The following SULT6B1 variants were observed in gnomAD, a reference collection of about 807,000 sequenced individuals.
The protein encoded by SULT6B1 is sulfotransferase family 6B member 1.
A neutral mutation model predicts 37.2 loss-of-function variants in SULT6B1; 44 were observed. The ratio of observed to expected loss-of-function variants is 1.18; its 90% CI spans 0.93 to 1.52. SULT6B1 has a LOEUF of 1.52. SULT6B1 is among the 40% of genes most tolerant of loss of function. The pLI is 0.00. For synonymous variants in SULT6B1, 140 were observed against 126.0 expected, an observed-to-expected ratio of 1.11 and a Z score of -0.74; for missense variants, 450 against 361.0, an observed-to-expected ratio of 1.25 and a Z score of -2.00.
chr2:37,174,750 C>A (rs1676377120), intron 5 of SULT6B1, among the ~76,000 whole-genome samples: 1 of 152,150 alleles, frequency 6.6e-6, no homozygotes, highest in Non-Finnish European at 1.5e-5. Flanking sequence ...GGTGAGCAAT[C>A]ACTCACTAGA....
At chr2:37,188,715 G>T (rs1484528318), upstream of SULT6B1, 7 of 597,794 alleles carry the variant, frequency 1.2e-5, no homozygotes, top group Non-Finnish European at 1.8e-5. Flanking sequence ...TTGGGCAGGG[G>T]CTGGAATAAA....
chr2:37,176,099 T>G (rs145674411), intron 4 of SULT6B1, among the ~76,000 whole-genome samples: 1 of 152,132 alleles, frequency 6.6e-6, no homozygotes, highest in Non-Finnish European at 1.5e-5. Flanking sequence ...ATGCAGACAC[T>G]GGTCAGCTGT....
At chr2:37,189,377 A>G (rs1458087004), upstream of SULT6B1, among the ~76,000 whole-genome samples, 2 of 152,242 alleles carry the variant, frequency 1.3e-5, no homozygotes, top group African/African-American at 4.8e-5. Context: ...CAAGTTTCAG[A>G]GCAGGAGTGG....
At chr2:37,180,265 T>C (rs148391070) in intron 3 of SULT6B1, among the ~76,000 whole-genome samples, 3 of 152,324 alleles carry the variant, frequency 2.0e-5, no homozygotes, top group Non-Finnish European at 4.4e-5. Context: ...TTCCGAGGAA[T>C]CTGAAAACAT....
At position 37,188,498 on chromosome 2, in the gene SULT6B1, A is replaced by G. The variant is rs756851565; in HGVS notation, c.143T>C (p.Leu48Pro). Residue 48 changes from leucine (L) to proline (P), a missense_variant, in exon 1 of 7, where the codon CTG (leucine) becomes CCG (proline). Leu to Pro is a moderately conservative substitution (Grantham distance 98). Coordinates refer to ENST00000535679, the MANE Select transcript of SULT6B1 (RefSeq NM_001367551.1). The part of the protein sequence containing the change: ...TMCTSETFQA[L>P]DTFEARHDDI... ...ATCATGTCTGGCTTCGAAGGTGTCC[A>G]GCGCTTGGAAAGTTTCTGAGGTGCA... 1.3e-5 allele frequency: 21 copies of G among 1,614,236 alleles called. No individual in the cohort carries two copies. The highest frequency in any genetic ancestry group is 1.8e-5 in the Non-Finnish European group (21 of 1,180,028).
upstream of SULT6B1, chr2:37,191,255 T>C (rs1676773473): frequency 1.9e-5 from 1 of 51,790 alleles, no homozygotes; most frequent in Non-Finnish European, 3.6e-5. Context: ...CATTTTTCAC[T>C]GCAAAAAAAA....
At chr2:37,193,582 AAAGAAGAAGAAGAAAAAGAAG>A (rs1558454831), upstream of SULT6B1, among the ~76,000 whole-genome samples, 9 of 125,334 alleles carry the variant, frequency 7.2e-5, no homozygotes, top group African/African-American at 2.3e-4. Flanking sequence ...AAAAGAAGAA[AAAGAAGAAGAAGAAAAAGAAG>A]AAGAAGAAGA....
intron 4 of SULT6B1, among the ~76,000 whole-genome samples, chr2:37,175,587 A>T (rs900180886): frequency 6.6e-6 from 1 of 152,230 alleles, no homozygotes; most frequent in Non-Finnish European, 1.5e-5. Flanking sequence ...GATGAAAAAG[A>T]CATTTTCTAG....
chr2:37,169,742 C>T (rs1230136407), intron 6 of SULT6B1, among the ~76,000 whole-genome samples: 2 of 152,178 alleles, frequency 1.3e-5, no homozygotes, highest in Non-Finnish European at 1.5e-5. Flanking sequence ...ATCCACCTGC[C>T]TCGGCCTCCC....
chr2:37,189,455 C>T (rs1276506974), upstream of SULT6B1, among the ~76,000 whole-genome samples: 1 of 152,196 alleles, frequency 6.6e-6, no homozygotes, highest in East Asian at 1.9e-4. Flanking sequence ...AAGTGGATGA[C>T]TTCAAGTACA....
chr2:37,188,390 C>T, intron 1 of SULT6B1, 52 bp downstream of exon 1: 1 of 1,505,456 alleles, frequency 6.6e-7, no homozygotes, highest in Non-Finnish European at 9.1e-7. Flanking sequence ...CATACCCTCC[C>T]CAACCTACTC....
chr2:37,192,381 C>G (rs971987106), upstream of SULT6B1, among the ~76,000 whole-genome samples: 1 of 152,088 alleles, frequency 6.6e-6, no homozygotes, highest in Non-Finnish European at 1.5e-5. Context: ...AGAGAGGGTT[C>G]CTAGCTAGGC....
chr2:37,178,574 G>A (rs539500289), intron 4 of SULT6B1, among the ~76,000 whole-genome samples: 8 of 151,712 alleles, frequency 5.3e-5, no homozygotes, highest in African/African-American at 1.9e-4. Context: ...TGTACAATGG[G>A]GCTAATACCA....
chr2:37,188,539 A>T lies in SULT6B1; in HGVS notation c.102T>A (p.Pro34=), dbSNP rs1676721060. The T allele has an allele frequency of 6.2e-7, 1 of 1,613,928 alleles. No homozygotes were observed. The highest frequency in any genetic ancestry group is 2.2e-5 in the East Asian group (1 of 44,888). ...CTGAGGTGCACATGGTGATGGGGTA[A>T]GGAATCCCCTGATAGGTGAAAAATA... ...SHLFFTYQGI[P]YPITMCTSET... is the part of the protein sequence containing the mutation. Residue 34 remains proline (P), a synonymous_variant, in exon 1 of 7, where the codon CCT becomes CCA. Transcript: ENST00000535679.
chr2:37,184,981 C>T (rs1448009664), intron 2 of SULT6B1, among the ~76,000 whole-genome samples: 2 of 152,182 alleles, frequency 1.3e-5, no homozygotes, highest in Non-Finnish European at 2.9e-5. Flanking sequence ...CAAATGGTAC[C>T]TTTAAACATT....
intron 6 of SULT6B1, among the ~76,000 whole-genome samples, chr2:37,168,415 C>G (rs1676226465): frequency 1.3e-5 from 2 of 152,154 alleles, no homozygotes; most frequent in Non-Finnish European, 2.9e-5. Flanking sequence ...GCCTCGGCCT[C>G]CCAAAGTGCT....
chr2:37,184,035 TTTTGTACCC>T (rs1676616883), intron 2 of SULT6B1, among the ~76,000 whole-genome samples: 1 of 152,234 alleles, frequency 6.6e-6, no homozygotes, highest in Non-Finnish European at 1.5e-5. Context: ...TGAATTTCTT[TTTTGTACCC>T]TGCTTACCAT....
upstream of SULT6B1, among the ~76,000 whole-genome samples, chr2:37,192,397 T>C (rs1676797518): frequency 6.6e-6 from 1 of 152,140 alleles, no homozygotes; most frequent in African/African-American, 2.4e-5. Flanking sequence ...TAGGCACAGG[T>C]ATCCGGGTTT....
intron 2 of SULT6B1, among the ~76,000 whole-genome samples, chr2:37,184,693 G>A (rs141429192): frequency 5.9e-5 from 9 of 152,162 alleles, no homozygotes; most frequent in East Asian, 1.9e-4. Context: ...TTAGCTGGGC[G>A]TGGTGGTGCA....
Sources: allele counts gnomAD v4.1 joint callset (sites outside exome capture counted in the v4.1 genomes callset), GRCh38; gene constraint gnomAD v4.1.1; transcripts MANE v1.5; gene names NCBI Gene and HGNC (gene_info 2026-07-23, HGNC 2026-07-21).